Variants in HHIP observed in about 807,000 individuals in gnomAD.
HHIP encodes the protein hedgehog interacting protein, also known as hedgehog-interacting protein.
In HHIP, 12 loss-of-function variants were observed where a neutral mutation model predicts 74.0. The ratio of observed to expected loss-of-function variants is 0.16; its 90% CI spans 0.10 to 0.26. HHIP has a LOEUF of 0.26. Among genes scored for constraint, HHIP ranks in the 10% least tolerant of loss-of-function variants. The pLI, the probability that HHIP is intolerant of heterozygous loss-of-function variation, is 1.00. For synonymous variants in HHIP, 309 were observed against 311.6 expected (o/e 0.99, Z 0.09); for missense variants, 788 against 845.0 (o/e 0.93, Z 0.84).
At chr4:144,661,343 A>G (rs1390344079) in intron 4 of HHIP, 2 of 152,176 alleles carry the variant, frequency 1.3e-5, no homozygotes, top group African/African-American at 4.8e-5. Context: ...ATTTACAAGA[A>G]AACTTGCAGA....
chr4:144,682,817 A>C (rs1341502583), intron 4 of HHIP, among the ~76,000 whole-genome samples: 5 of 152,244 alleles, frequency 3.3e-5, no homozygotes, highest in Non-Finnish European at 5.9e-5. Context: ...CACTGGCCAA[A>C]TTTTTATTAG....
At chr4:144,699,289 A>G (rs887829203) in intron 4 of HHIP, among the ~76,000 whole-genome samples, 1 of 152,106 alleles carries the variant, frequency 6.6e-6, no homozygotes, top group Non-Finnish European at 1.5e-5. Context: ...TTTATTTACT[A>G]TTACTGGTTT....
intron 2 of HHIP, among the ~76,000 whole-genome samples, chr4:144,658,257 C>T (rs1042510722): frequency 9.2e-5 from 14 of 152,238 alleles, no homozygotes; most frequent in Middle Eastern, 3.4e-3. Context: ...TAATACTCAA[C>T]ACAATATTAT....
chr4:144,677,384 T>C (rs1578692453), intron 4 of HHIP, among the ~76,000 whole-genome samples: 2 of 152,252 alleles, frequency 1.3e-5, no homozygotes, highest in South Asian at 2.1e-4. Flanking sequence ...GCACAGATTG[T>C]AGCAGCTCTA....
intron 4 of HHIP, among the ~76,000 whole-genome samples, chr4:144,685,124 T>C (rs1729453271): frequency 1.3e-5 from 2 of 152,222 alleles, no homozygotes; most frequent in South Asian, 2.1e-4. Flanking sequence ...CCAATATCAT[T>C]TTCCTGCGTG....
At position 144,701,380 on chromosome 4, in the gene HHIP, T is replaced by C. The variant is rs1729981141; in HGVS notation, c.832-5151T>C. Reference sequence around the variant, plus strand: ...GAAAGCTCAGGTGCCAATATATAAATTAATCTTTGTGTCAGAAGTTACCAA... The same window carrying C: ...GAAAGCTCAGGTGCCAATATATAAACTAATCTTTGTGTCAGAAGTTACCAA... On this transcript the variant is annotated intron_variant, in intron 4 of 12. Transcript: ENST00000296575. 2.6e-5 allele frequency among the ~76,000 whole-genome samples: 4 copies of C among 151,626 alleles called. No homozygotes were observed. The South Asian group carries it at 8.3e-4, about 32-fold the overall frequency.
intron 11 of HHIP, among the ~76,000 whole-genome samples, chr4:144,721,638 C>T (rs1444369120): frequency 8.7e-5 from 13 of 149,642 alleles, no homozygotes; most frequent in Admixed American, 2.0e-4. Context: ...TGGTGGCTCA[C>T]GCCTGTAATC....
chr4:144,709,173 A>G (rs1461306125), intron 7 of HHIP, among the ~76,000 whole-genome samples: 1 of 152,160 alleles, frequency 6.6e-6, no homozygotes, highest in Non-Finnish European at 1.5e-5. Context: ...AATATTTCTC[A>G]AACTTTTTAT....
At chr4:144,720,725 G>A (rs748815110) in intron 11 of HHIP, among the ~76,000 whole-genome samples, 2 of 152,074 alleles carry the variant, frequency 1.3e-5, no homozygotes, top group Non-Finnish European at 2.9e-5. Flanking sequence ...GGAAGTAGCA[G>A]AGTCCCAAAG....
chr4:144,646,767 G>T lies in HHIP; in HGVS notation c.92G>T (p.Gly31Val). The change falls in exon 1 of 13, where the codon GGG becomes GTG. Residue 31 changes from glycine to valine, a missense_variant. This residue lies in a region of HHIP where 373 missense variants were observed against 366.4 expected (regional missense o/e 1.02). Coordinates refer to ENST00000296575, the MANE Select transcript of HHIP (RefSeq NM_022475.3). Reference protein sequence around the residue: ...GDAKFGERNEGSGARRRRCLN... With the variant: ...GDAKFGERNEVSGARRRRCLN... ...GCTAAGTTTGGGGAAAGAAACGAAG[G>T]GAGCGGAGCAAGGAGGAGAAGGTGC... The T allele has an allele frequency of 6.2e-7, 1 of 1,614,204 alleles. No individual in the cohort carries two copies. Among genetic ancestry groups the T allele is most frequent in the African/African-American group, 1.3e-5 (1 of 75,064 alleles).
intron 4 of HHIP, among the ~76,000 whole-genome samples, chr4:144,684,043 A>G (rs1238573724): frequency 2.0e-5 from 3 of 146,976 alleles, no homozygotes; most frequent in African/African-American, 7.4e-5. Context: ...AGCCTGAGCG[A>G]CAGAGTGAGA....
Position 144,740,723 on chromosome 4 carries a change from G to C in HHIP, c.*2766G>C, listed in dbSNP as rs1470908240. On this transcript the variant is annotated 3_prime_UTR_variant, in exon 13 of 13. Coordinates refer to ENST00000296575, the MANE Select transcript of HHIP (RefSeq NM_022475.3). The stretch of plus-strand genomic sequence containing the variant: ...GGAAAAAATTATTGTTTAATCACAT[G>C]AAAGGCAACATCTGTTCAGTTCATA... The C allele has an allele frequency of 6.6e-6, 1 of 152,074 alleles. No individual in the cohort carries two copies. Among genetic ancestry groups the C allele is most frequent in the Non-Finnish European group, 1.5e-5 (1 of 68,016 alleles). The allele number at this position is 152,074 out of a possible 1,614,324, so 9.4% of individuals were successfully genotyped here. A position where few individuals can be genotyped will look rare whatever the true frequency, so the allele number is the denominator to read the frequency against.
intron 6 of HHIP, 158 bp from the exon 7 acceptor site, chr4:144,708,009 CT>C: frequency 1.4e-6 from 1 of 720,058 alleles, no homozygotes; most frequent in Non-Finnish European, 2.3e-6. Flanking sequence ...TCCCAAAGTG[CT>C]GGGATTACAG....
intron 11 of HHIP, among the ~76,000 whole-genome samples, chr4:144,727,978 T>C (rs1730847019): frequency 1.3e-5 from 2 of 152,236 alleles, no homozygotes; most frequent in African/African-American, 4.8e-5. Context: ...CACTTTCTGA[T>C]CTTTTAAACT....
At chr4:144,716,540 CAA>C (rs147487758) in intron 10 of HHIP, among the ~76,000 whole-genome samples, 5,940 of 152,098 alleles carry the variant, frequency 0.039, 165 homozygotes, top group Non-Finnish European at 0.058. Flanking sequence ...CACTGGCAAA[CAA>C]TGATTTCAAA....
chr4:144,707,938 C>T (rs1327416905), intron 6 of HHIP, among the ~76,000 whole-genome samples: 1 of 152,084 alleles, frequency 6.6e-6, no homozygotes, highest in Non-Finnish European at 1.5e-5. Context: ...GAGATGGAGT[C>T]TCGCTATGTT....
intron 11 of HHIP, among the ~76,000 whole-genome samples, chr4:144,721,564 A>T (rs997215749): frequency 2.1e-4 from 31 of 147,390 alleles, no homozygotes; most frequent in African/African-American, 6.6e-4. Flanking sequence ...AAAAAAATAG[A>T]AAATGCCTAG....
chr4:144,718,478 A>G (rs564783286), intron 10 of HHIP, among the ~76,000 whole-genome samples: 15 of 152,294 alleles, frequency 9.8e-5, no homozygotes, highest in Middle Eastern at 3.4e-3. Flanking sequence ...GGATGAGATA[A>G]GAAGCTATTG....
intron 7 of HHIP, among the ~76,000 whole-genome samples, chr4:144,709,448 C>T (rs1454499809): frequency 6.6e-6 from 1 of 152,120 alleles, no homozygotes; most frequent in African/African-American, 2.4e-5. Context: ...GGTCCTGAAC[C>T]TCAATGCAAA....
Sources: gnomAD v4.1 joint callset for allele counts (sites outside exome capture counted in the v4.1 genomes callset) on GRCh38, gnomAD v4.1.1 for gene constraint, gnomAD v4.1.1 regional missense constraint, MANE v1.5 for transcripts, NCBI Gene and HGNC (gene_info 2026-07-23, HGNC 2026-07-21) for gene names.